Variants in NR1I3 observed in about 807,000 individuals in gnomAD.
NR1I3 encodes nuclear receptor subfamily 1 group I member 3, also known as constitutive activator of retinoid response.
Under a neutral mutation model 38.4 loss-of-function variants are expected in NR1I3, and 30 were observed. The ratio of observed to expected loss-of-function variants is 0.78; its 90% confidence interval spans 0.58 to 1.06. NR1I3 has a LOEUF of 1.06. NR1I3 is among the 50% of genes least tolerant of loss of function. The pLI is 0.00. For synonymous variants in NR1I3, 143 were observed against 165.1 expected, an observed-to-expected ratio of 0.87 and a Z score of 1.03; for missense variants, 388 against 435.7, an observed-to-expected ratio of 0.89 and a Z score of 0.97.
chr1:161,238,193 A>C lies in NR1I3; in HGVS notation c.-186T>G. 6.5e-7 allele frequency: 1 copy of C among 1,543,116 alleles called. No homozygotes were observed. The highest frequency in any genetic ancestry group is 2.3e-5 in the East Asian group (1 of 42,952). On this transcript the variant is annotated 5_prime_UTR_variant, in exon 1 of 9. Transcript: ENST00000367983. ...TTATGACCCGTAGTATCTGGAAAAC[A>C]AGAGATGTCTGTTTTATGTGGCCTC...
rs1452461339 is a variant in NR1I3, at chr1:161,236,712, C to A, written c.-33-114G>T. 1.0e-5 allele frequency: 11 copies of A among 1,070,044 alleles called. No individual in the cohort carries two copies. In the Admixed American group the frequency reaches 1.9e-4, roughly 19 times the overall value. The allele number at this position is 1,070,044 out of a possible 1,614,324, so 66.3% of individuals were successfully genotyped here. A position where few individuals can be genotyped will look rare whatever the true frequency, so the allele number is the denominator to read the frequency against. On this transcript the variant is annotated intron_variant, in intron 1 of 8. Coordinates refer to ENST00000367983, the MANE Select transcript of NR1I3 (RefSeq NM_005122.5). Reference sequence around the variant, plus strand: ...AACATGCCCTTGACTTGATCCCTGGCGTTATCTTTTGTGGTTTTCTTTTTC... The same window carrying A: ...AACATGCCCTTGACTTGATCCCTGGAGTTATCTTTTGTGGTTTTCTTTTTC...
chr1:161,235,738 C>T, intron 3 of NR1I3, 109 bp downstream of exon 3: 1 of 1,403,402 alleles, frequency 7.1e-7, no homozygotes, highest in Non-Finnish European at 9.8e-7. Flanking sequence ...CATAATCCAA[C>T]TAGTTTCAAA....
Position 161,236,609 on chromosome 1 carries a change from G to A in NR1I3, c.-33-11C>T, listed in dbSNP as rs756638355. 8.1e-6 allele frequency: 13 copies of A among 1,612,064 alleles called. No homozygotes were observed. Among genetic ancestry groups the A allele is most frequent in the Admixed American group, 3.3e-5 (2 of 59,932 alleles). ...GGCTGTCACAGACTCCTGAATGTAG[G>A]AGGGGTCAGCAGTCAGTTTTGGGCC... is the stretch of plus-strand genomic sequence containing the variant. On this transcript the variant is annotated splice_polypyrimidine_tract_variant and intron_variant, in intron 1 of 8. Coordinates refer to ENST00000367983, the MANE Select transcript of NR1I3 (RefSeq NM_005122.5).
At position 161,235,992 on chromosome 1, in the gene NR1I3, G is replaced by A. The variant is rs781642125; in HGVS notation, c.108-15C>T. 5 of 1,573,520 alleles carry A rather than the reference G, an allele frequency of 3.2e-6. No homozygotes were observed. The highest frequency in any genetic ancestry group is 1.7e-6 in the Non-Finnish European group (2 of 1,161,048). ...TGACTGTTCTCCTGTGAGACACAGA[G>A]ATGTTGTTAGAGTCTGGGATGCAAT... is the stretch of plus-strand genomic sequence containing the variant. On this transcript the variant is annotated splice_polypyrimidine_tract_variant and intron_variant, in intron 2 of 8. Transcript: ENST00000367983.
In NR1I3 at chr1:161,231,458, C is replaced by A; in HGVS notation, c.565G>T (p.Asp189Tyr). The A allele has an allele frequency of 6.3e-7, 1 of 1,576,834 alleles. No homozygotes were observed. Among genetic ancestry groups the A allele is most frequent in the Non-Finnish European group, 8.5e-7 (1 of 1,170,890 alleles). The stretch of plus-strand genomic sequence containing the variant: ...GCTCCCTTGAGAAGGGAGATCTGGT[C>A]TTCAATGGGCAGGGAACTGTGGAAA... Reference protein sequence around the residue: ...LPVFRSLPIEDQISLLKGAAV... With the variant: ...LPVFRSLPIEYQISLLKGAAV... Residue 189 changes from aspartate (D) to tyrosine (Y), a missense_variant, in exon 6 of 9, where the codon GAC becomes TAC. Physicochemically the swap from Asp to Tyr is radical, Grantham distance 160 (BLOSUM62 -3). Transcript: ENST00000367983.
chr1:161,233,116 A>AT lies in NR1I3; in HGVS notation c.408+52dup. On this transcript the variant is annotated intron_variant, in intron 4 of 8. Transcript: ENST00000367983. ...ATACACCCCTCTCCTTCAGACCAGC[A>AT]TTTTTGGGTGCCCTTTTAGTTGTAT... The AT allele has an allele frequency of 5.0e-6, 8 of 1,600,832 alleles. No homozygotes were observed. The South Asian group carries it at 8.9e-5, about 18-fold the overall frequency.
In NR1I3 at chr1:161,231,459, T is replaced by G; in HGVS notation, c.564A>C (p.Glu188Asp). The change falls in exon 6 of 9, where the codon GAA becomes GAC. Residue 188 changes from glutamate to aspartate, a missense_variant. Glu to Asp is a conservative substitution (Grantham distance 45, BLOSUM62 2). Transcript: ENST00000367983. Reference sequence around the variant, plus strand: ...CTCCCTTGAGAAGGGAGATCTGGTCTTCAATGGGCAGGGAACTGTGGAAAG... The same window carrying G: ...CTCCCTTGAGAAGGGAGATCTGGTCGTCAATGGGCAGGGAACTGTGGAAAG... ...DLPVFRSLPI[E>D]DQISLLKGAA... is the part of the protein sequence containing the mutation. 9 of 1,577,046 alleles carry G rather than the reference T, an allele frequency of 5.7e-6. No individual in the cohort carries two copies. Among genetic ancestry groups the G allele is most frequent in the Non-Finnish European group, 7.7e-6 (9 of 1,170,986 alleles).
chr1:161,231,030 A>G (rs1667110562), intron 7 of NR1I3, 87 bp downstream of exon 7: 2 of 1,612,992 alleles, frequency 1.2e-6, no homozygotes, highest in Non-Finnish European at 8.5e-7. Context: ...TAGCTAGGCT[A>G]GAAGGCCTGG....
intron 5 of NR1I3, among the ~76,000 whole-genome samples, chr1:161,232,364 C>A (rs568392465): frequency 6.6e-6 from 1 of 152,254 alleles, no homozygotes; most frequent in East Asian, 1.9e-4. Context: ...GCGGTGCTAT[C>A]TGAGCTCACT....
chr1:161,232,194 CA>C (rs2102137147), intron 5 of NR1I3, among the ~76,000 whole-genome samples: 1 of 152,086 alleles, frequency 6.6e-6, no homozygotes, highest in Non-Finnish European at 1.5e-5. Context: ...CCATGTTGGC[CA>C]GGCTGGTCTC....
chr1:161,230,697 C>G (rs4073054), intron 8 of NR1I3, 116 bp downstream of exon 8: 2 of 1,423,074 alleles, frequency 1.4e-6, no homozygotes, highest in South Asian at 1.2e-5. Flanking sequence ...CTAGACCCCA[C>G]GATACCTGAA....
Position 161,235,940 on chromosome 1 carries a change from A to AGG in NR1I3, c.143_144dup (p.Phe49ProfsTer25), listed in dbSNP as rs767358929. The AGG allele has an allele frequency of 9.1e-5, 146 of 1,611,694 alleles. No homozygotes were observed. The African/African-American group carries it at 1.7e-3, about 19-fold the overall frequency. ...TTGCTGACTTCACAGCTTCCAGCAAAGGGGCAGGTGGGACCAATGCTTTTG... is the reference window on the plus strand; with the variant it reads ...TTGCTGACTTCACAGCTTCCAGCAAAGGGGGGCAGGTGGGACCAATGCTTTTG... On this transcript the variant is annotated frameshift_variant, in exon 3 of 9. Coordinates refer to ENST00000367983, the MANE Select transcript of NR1I3 (RefSeq NM_005122.5). LOFTEE classifies it high-confidence loss of function.
chr1:161,229,801 C>G lies in NR1I3; in HGVS notation c.1043G>C (p.Ser348Thr), dbSNP rs771557332. 7 of 1,614,218 alleles carry G rather than the reference C, an allele frequency of 4.3e-6. No individual in the cohort carries two copies. Residue 348 changes from serine (S) to threonine (T), a missense_variant, in exon 9 of 9, where the codon AGC becomes ACC. Physicochemically the swap from Ser to Thr is moderately conservative, Grantham distance 58 (BLOSUM62 1). Coordinates refer to ENST00000367983, the MANE Select transcript of NR1I3 (RefSeq NM_005122.5). ...GGGAAGGAAGTGAGCATGGCCTCAG[C>G]TGCAGATCTCCTGGAGCAGCGGCAT... ...AMMPLLQEIC[S>T]
intron 1 of NR1I3, among the ~76,000 whole-genome samples, chr1:161,237,182 C>T (rs1571760281): frequency 6.6e-6 from 1 of 150,680 alleles, no homozygotes; most frequent in Non-Finnish European, 1.5e-5. Context: ...TCCTTCCTCC[C>T]TCCCTCTCTT....
Position 161,235,900 on chromosome 1 carries a change from T to C in NR1I3, c.185A>G (p.His62Arg). 6.2e-7 allele frequency: 1 copy of C among 1,614,088 alleles called. No individual in the cohort carries two copies. The change falls in exon 3 of 9, where the codon CAC becomes CGC. Residue 62 changes from histidine (H) to arginine (R), a missense_variant. Coordinates refer to ENST00000367983, the MANE Select transcript of NR1I3 (RefSeq NM_005122.5). ...SCEVSKTQRR[H>R]CPACRLQKCL... ...CTTCTGCAACCTGCAGGCTGGGCAG[T>C]GGCGCCTCTGAGTCTTGCTGACTTC... is the stretch of plus-strand genomic sequence containing the variant.
intron 4 of NR1I3, 71 bp downstream of exon 4, chr1:161,233,098 C>T: frequency 6.3e-7 from 1 of 1,588,280 alleles, no homozygotes; most frequent in Non-Finnish European, 8.6e-7. Flanking sequence ...GGCATACACC[C>T]CTCTCCTTCA....
At chr1:161,234,859 G>C (rs1668245957) in intron 3 of NR1I3, among the ~76,000 whole-genome samples, 2 of 152,206 alleles carry the variant, frequency 1.3e-5, no homozygotes, top group South Asian at 4.1e-4. Flanking sequence ...ATACTCAACA[G>C]ATAGAAAATA....
chr1:161,231,259 C>A (rs775444411), intron 6 of NR1I3, 26 bp from the exon 7 acceptor site: 2 of 1,613,924 alleles, frequency 1.2e-6, no homozygotes, highest in Non-Finnish European at 1.7e-6. Context: ...GGATTAGGAG[C>A]CTCTAGGTCA....
chr1:161,235,264 T>G (rs867677183), intron 3 of NR1I3: 5 of 115,642 alleles, frequency 4.3e-5, no homozygotes, highest in Non-Finnish European at 7.3e-5. Context: ...GTGTTTTTTT[T>G]TTTTTTTTTT....
Sources: allele counts gnomAD v4.1 joint callset (sites outside exome capture counted in the v4.1 genomes callset), GRCh38; gene constraint gnomAD v4.1.1; transcripts MANE v1.5; gene names NCBI Gene and HGNC (gene_info 2026-07-23, HGNC 2026-07-21).